Variants in PRKG1 observed in about 807,000 individuals in gnomAD.
The protein encoded by PRKG1 is protein kinase cGMP-dependent 1.
Under a neutral mutation model 88.1 loss-of-function variants are expected in PRKG1, and 35 were observed. The ratio of observed to expected loss-of-function variants is 0.40; its 90% CI spans 0.30 to 0.53. The LOEUF (loss-of-function observed/expected upper bound fraction) is 0.53. Ranked by LOEUF, PRKG1 falls within the 20% of genes least tolerant of loss-of-function variation. The probability of loss-of-function intolerance (pLI) is 0.59; values close to 1 mark genes in which losing one functional copy is unlikely to be tolerated. For synonymous variants in PRKG1, 303 were observed against 292.5 expected, an observed-to-expected ratio of 1.04 and a Z score of -0.37; for missense variants, 540 against 839.8, an observed-to-expected ratio of 0.64 and a Z score of 4.41.
chr10:52,246,195 A>G (rs1341201936), intron 9 of PRKG1, among the ~76,000 whole-genome samples: 1 of 152,196 alleles, frequency 6.6e-6, no homozygotes, highest in Non-Finnish European at 1.5e-5. Flanking sequence ...AGGGTATTAC[A>G]TCAAGAATGG....
At chr10:51,283,706 G>T (rs1325405255) in intron 2 of PRKG1, among the ~76,000 whole-genome samples, 2 of 152,052 alleles carry the variant, frequency 1.3e-5, no homozygotes, top group Non-Finnish European at 2.9e-5. Flanking sequence ...TCTTGATGGT[G>T]TCCACAAATA....
At chr10:52,097,762 AATATATAT>A (rs10595011) in intron 7 of PRKG1, among the ~76,000 whole-genome samples, 2 of 147,698 alleles carry the variant, frequency 1.4e-5, no homozygotes, top group African/African-American at 4.9e-5. Flanking sequence ...TAATAGGCCT[AATATATAT>A]ATATATATAT....
At chr10:51,127,958 A>G (rs7915110) in intron 1 of PRKG1, among the ~76,000 whole-genome samples, 120,678 of 151,930 alleles carry the variant, frequency 0.79, 48,526 homozygotes, top group South Asian at 0.88. Flanking sequence ...AAGCCTGTTC[A>G]GGGGTGGGGG....
intron 7 of PRKG1, among the ~76,000 whole-genome samples, chr10:52,066,508 A>T (rs574466972): frequency 3.1e-4 from 47 of 152,264 alleles, no homozygotes; most frequent in African/African-American, 9.6e-4. Flanking sequence ...GTCCAATCTT[A>T]AAGTCCCTTC....
chr10:51,332,548 G>A lies in PRKG1; in HGVS notation c.479-135175G>A, dbSNP rs74131607. 6.2e-3 allele frequency among the ~76,000 whole-genome samples: 946 copies of A among 152,290 alleles called. 10 individuals carry two copies. The highest frequency in any genetic ancestry group is 0.022 in the African/African-American group (904 of 41,560). The stretch of plus-strand genomic sequence containing the variant: ...AGCTATTCAATGGGCAGTTGGGTTA[G>A]AGGGAAAATCTATGTATGTAAAGAT... On this transcript the variant is annotated intron_variant, in intron 2 of 17. Transcript: ENST00000373980.
At chr10:51,936,848 CT>C (rs1239686033) in intron 5 of PRKG1, among the ~76,000 whole-genome samples, 5 of 151,972 alleles carry the variant, frequency 3.3e-5, no homozygotes, top group Non-Finnish European at 7.4e-5. Flanking sequence ...GGTACAGAAG[CT>C]TATGACATTC....
intron 9 of PRKG1, among the ~76,000 whole-genome samples, chr10:52,249,836 A>C (rs1171611292): frequency 7.2e-6 from 1 of 139,750 alleles, no homozygotes; most frequent in Non-Finnish European, 1.6e-5. Context: ...TCTAAAAAAA[A>C]CAAAAAGCAA....
intron 2 of PRKG1, among the ~76,000 whole-genome samples, chr10:51,162,352 T>C (rs1322672489): frequency 8.5e-5 from 13 of 152,204 alleles, no homozygotes; most frequent in Non-Finnish European, 2.9e-5. Flanking sequence ...CATCTGAATT[T>C]AACCACTGTA....
chr10:51,699,714 A>T, intron 3 of PRKG1: 1 of 671,708 alleles, frequency 1.5e-6, no homozygotes, highest in East Asian at 2.7e-5. Context: ...TCCCACTAAC[A>T]ACTTATCTAA....
At chr10:52,128,177 A>T in intron 7 of PRKG1, 1 of 985,336 alleles carries the variant, frequency 1.0e-6, no homozygotes, top group Non-Finnish European at 1.2e-6. Flanking sequence ...TGACCCCGGG[A>T]TTGCTGTAAG....
intron 5 of PRKG1, chr10:51,910,693 G>C (rs1289762368): frequency 6.6e-6 from 1 of 152,136 alleles, no homozygotes; most frequent in African/African-American, 2.4e-5. Context: ...GGTAGATATA[G>C]AATTGGATTT....
intron 3 of PRKG1, among the ~76,000 whole-genome samples, chr10:51,475,261 T>C (rs1239349356): frequency 6.6e-6 from 1 of 152,002 alleles, no homozygotes; most frequent in Non-Finnish European, 1.5e-5. Context: ...ATGTTTACTC[T>C]AATGTCTCTC....
At chr10:51,539,739 TCA>T (rs1842253576) in intron 3 of PRKG1, among the ~76,000 whole-genome samples, 2 of 152,146 alleles carry the variant, frequency 1.3e-5, no homozygotes, top group Non-Finnish European at 2.9e-5. Context: ...GGTCAAAATG[TCA>T]CAGTTTAGAA....
intron 2 of PRKG1, among the ~76,000 whole-genome samples, chr10:51,448,343 G>A (rs567893732): frequency 6.6e-6 from 1 of 152,166 alleles, no homozygotes; most frequent in African/African-American, 2.4e-5. Context: ...TGTTTATTCT[G>A]TGGTCTGTGC....
At chr10:52,148,802 G>A (rs1426604343) in intron 8 of PRKG1, among the ~76,000 whole-genome samples, 8 of 152,194 alleles carry the variant, frequency 5.3e-5, no homozygotes, top group South Asian at 2.1e-4. Flanking sequence ...TAGCAGAGTC[G>A]TGATAACTTT....
chr10:52,123,057 C>A (rs896397448), intron 7 of PRKG1, among the ~76,000 whole-genome samples: 1 of 152,074 alleles, frequency 6.6e-6, no homozygotes, highest in African/African-American at 2.4e-5. Flanking sequence ...TGTTTTTAAC[C>A]TGCACAAACA....
intron 3 of PRKG1, among the ~76,000 whole-genome samples, chr10:51,555,973 A>G (rs1224874455): frequency 6.6e-6 from 1 of 151,906 alleles, no homozygotes; most frequent in African/African-American, 2.4e-5. Flanking sequence ...GCAGGAAGGG[A>G]GAAAAGAAAG....
intron 3 of PRKG1, among the ~76,000 whole-genome samples, chr10:51,579,518 C>G (rs895330042): frequency 5.9e-5 from 9 of 151,988 alleles, no homozygotes; most frequent in Non-Finnish European, 1.2e-4. Flanking sequence ...CTTATAATAC[C>G]TAAAAGTGAA....
intron 3 of PRKG1, among the ~76,000 whole-genome samples, chr10:51,585,375 AAT>A (rs1445695150): frequency 1.3e-5 from 2 of 152,184 alleles, no homozygotes; most frequent in African/African-American, 4.8e-5. Context: ...TTGCAGTAAG[AAT>A]ATGTTTCCCA....
Sources: gnomAD v4.1 joint callset for allele counts (sites outside exome capture counted in the v4.1 genomes callset) on GRCh38, gnomAD v4.1.1 for gene constraint, MANE v1.5 for transcripts, NCBI Gene and HGNC (gene_info 2026-07-23, HGNC 2026-07-21) for gene names.